Variants in CLTB observed in about 807,000 individuals in gnomAD.
CLTB encodes clathrin light chain B, also known as clathrin, light chain (Lcb).
A neutral mutation model predicts 30.5 loss-of-function variants in CLTB; 10 were observed. That is an observed-to-expected ratio of 0.33 (90% CI 0.20 to 0.56). The LOEUF is 0.56. Among genes scored for constraint, CLTB ranks in the 20% least tolerant of loss-of-function variants. The pLI, the probability that CLTB is intolerant of heterozygous loss-of-function variation, is 0.91. For missense variants in CLTB, 261 were observed against 308.3 expected (o/e 0.85, Z 1.15); for synonymous variants, 102 against 120.3 (o/e 0.85, Z 1.00).
At chr5:176,402,744 G>A (rs1435841428) in intron 2 of CLTB, among the ~76,000 whole-genome samples, 1 of 152,234 alleles carries the variant, frequency 6.6e-6, no homozygotes, top group East Asian at 1.9e-4. Flanking sequence ...GGGACAGGGA[G>A]TCCCTCACAA....
At chr5:176,394,619 C>T (rs62402495) in intron 5 of CLTB, among the ~76,000 whole-genome samples, 4,094 of 151,748 alleles carry the variant, frequency 0.027, 61 homozygotes, top group Middle Eastern at 0.034. Flanking sequence ...TGGAGAGCAT[C>T]CTGGCTAACA....
rs539570093 is a variant in CLTB at position 176,393,674 on chromosome 5, C to T, written c.519-729G>A. On this transcript the variant is annotated intron_variant, in intron 5 of 5. Transcript: ENST00000310418. This position sits in a 1 kb window ranked among gnomAD's most constrained non-coding sequence, Gnocchi z 4.4. ...GCCACAGCCTGGGGCATGAATGCTCCACTGGAGTCTGCTTTTGGTTGGAAT... is the reference window on the plus strand; with the variant it reads ...GCCACAGCCTGGGGCATGAATGCTCTACTGGAGTCTGCTTTTGGTTGGAAT... 5.3e-5 allele frequency among the ~76,000 whole-genome samples: 8 copies of T among 152,184 alleles called. No homozygotes were observed. The highest frequency in any genetic ancestry group is 1.0e-4 in the Non-Finnish European group (7 of 68,030).
At chr5:176,412,129 TCC>T (rs1757470586) in intron 1 of CLTB, among the ~76,000 whole-genome samples, 3 of 138,298 alleles carry the variant, frequency 2.2e-5, no homozygotes, top group African/African-American at 8.3e-5. Context: ...TGAGCCGAGA[TCC>T]CGCCACTGCA....
chr5:176,411,999 A>G (rs983048509), intron 1 of CLTB, among the ~76,000 whole-genome samples: 1 of 151,518 alleles, frequency 6.6e-6, no homozygotes, highest in African/African-American at 2.4e-5. Context: ...ACACGGTGAA[A>G]CCCCGTCTCT....
chr5:176,411,959 G>A (rs1187115270), intron 1 of CLTB, among the ~76,000 whole-genome samples: 2 of 151,946 alleles, frequency 1.3e-5, no homozygotes, highest in Non-Finnish European at 1.5e-5. Flanking sequence ...GGCAGATCAC[G>A]AAGTCAGGAG....
At chr5:176,400,598 C>G (rs1288617533) in intron 2 of CLTB, among the ~76,000 whole-genome samples, 1 of 152,266 alleles carries the variant, frequency 6.6e-6, no homozygotes, top group Non-Finnish European at 1.5e-5. Flanking sequence ...CACACCCGCT[C>G]TGGCACCCAC....
chr5:176,407,345 G>A (rs180971017), intron 2 of CLTB, among the ~76,000 whole-genome samples: 40 of 152,284 alleles, frequency 2.6e-4, no homozygotes, highest in East Asian at 2.1e-3. Flanking sequence ...TCGCTCTGTC[G>A]TCCAGGCTGG....
Position 176,398,006 on chromosome 5 carries a change from C to G in CLTB, c.276G>C (p.Gln92His). ...CAGGCTCCTGGGTCAGCCTGTCAGCCTGGGCAATGGCTGCGTAGCCATCAG... is the reference window on the plus strand; with the variant it reads ...CAGGCTCCTGGGTCAGCCTGTCAGCGTGGGCAATGGCTGCGTAGCCATCAG... ...GPADGYAAIA[Q>H]ADRLTQEPES... The change falls in exon 3 of 6, where the codon CAG becomes CAC. Residue 92 changes from glutamine (Q) to histidine (H), a missense_variant. This residue lies in a region of CLTB where 123 missense variants were observed against 157.0 expected (regional missense o/e 0.78). Transcript: ENST00000310418. 2.5e-6 allele frequency: 4 copies of G among 1,614,132 alleles called. No homozygotes were observed. The highest frequency in any genetic ancestry group is 2.5e-6 in the Non-Finnish European group (3 of 1,180,042).
chr5:176,406,283 G>C, intron 2 of CLTB: 1 of 1,054,260 alleles, frequency 9.5e-7, no homozygotes, highest in Non-Finnish European at 1.1e-6. Context: ...GGAATGGCCA[G>C]GACCAGAAGG....
intron 5 of CLTB, among the ~76,000 whole-genome samples, chr5:176,394,190 G>C (rs1344582205): frequency 6.6e-6 from 1 of 152,232 alleles, no homozygotes; most frequent in Non-Finnish European, 1.5e-5. Flanking sequence ...GATGAGGGGA[G>C]CTATCCTCGG....
chr5:176,397,851 C>T, intron 3 of CLTB, 79 bp downstream of exon 3: 1 of 1,458,968 alleles, frequency 6.9e-7, no homozygotes, highest in Non-Finnish European at 9.6e-7. Flanking sequence ...CATGCAGCAT[C>T]CCATGCACTC....
In CLTB at chr5:176,393,968, C is replaced by T. The variant is rs1030445062; in HGVS notation, c.519-1023G>A. 1.3e-5 allele frequency among the ~76,000 whole-genome samples: 2 copies of T among 152,218 alleles called. No individual in the cohort carries two copies. The highest frequency in any genetic ancestry group is 2.9e-5 in the Non-Finnish European group (2 of 68,042). On this transcript the variant is annotated intron_variant, in intron 5 of 5. Transcript: ENST00000310418. The surrounding 1 kb of genome is among the most constrained non-coding windows in gnomAD (Gnocchi z 4.4). ...CCAGTTCTGCCGATGCCAGACATGA[C>T]TGATGGCAGGAGCGCTCCATGGAAG...
At chr5:176,397,351 C>A (rs911689675) in intron 4 of CLTB, among the ~76,000 whole-genome samples, 1 of 138,162 alleles carries the variant, frequency 7.2e-6, no homozygotes, top group Non-Finnish European at 1.6e-5. Context: ...CACAGCCCCT[C>A]TCATGTCCCC....
intron 5 of CLTB, among the ~76,000 whole-genome samples, chr5:176,394,645 T>C (rs1442215611): frequency 1.7e-5 from 2 of 115,898 alleles, no homozygotes; most frequent in African/African-American, 2.9e-5. Context: ...AAACCCCGTC[T>C]CTACTAAAAA....
intron 1 of CLTB, among the ~76,000 whole-genome samples, chr5:176,415,019 T>C (rs1045989853): frequency 3.9e-5 from 6 of 152,194 alleles, no homozygotes; most frequent in African/African-American, 1.4e-4. Flanking sequence ...CCCATAAACC[T>C]TTCCAAAATG....
chr5:176,401,676 C>T (rs1178225487), intron 2 of CLTB: 8 of 453,800 alleles, frequency 1.8e-5, no homozygotes, highest in South Asian at 7.8e-5. Context: ...GTCACTCACT[C>T]GCTCGCCTTG....
chr5:176,416,534 G>C lies in CLTB; in HGVS notation c.-171C>G, dbSNP rs1757703088. 2.5e-6 allele frequency: 1 copy of C among 394,348 alleles called. No individual in the cohort carries two copies. The highest frequency in any genetic ancestry group is 4.0e-6 in the Non-Finnish European group (1 of 249,922). 24.4% of individuals were successfully genotyped at this position (394,348 alleles called of 1,614,324 possible). A position where few individuals can be genotyped will look rare whatever the true frequency, so the allele number is the denominator to read the frequency against. ...TCTCCGCCACCGGGCCCGGCTGGCT[G>C]TCACTGCGGTGCGGGCGCCGCGGCG... On this transcript the variant is annotated 5_prime_UTR_variant, in exon 1 of 6. Transcript: ENST00000310418.
chr5:176,404,747 G>A (rs1026656591), intron 2 of CLTB, among the ~76,000 whole-genome samples: 4 of 152,204 alleles, frequency 2.6e-5, no homozygotes, highest in Non-Finnish European at 5.9e-5. Flanking sequence ...CTCCTGGCAC[G>A]TCCCTTTGTG....
chr5:176,415,517 A>T (rs1271560963), intron 1 of CLTB, among the ~76,000 whole-genome samples: 1 of 152,200 alleles, frequency 6.6e-6, no homozygotes, highest in Non-Finnish European at 1.5e-5. Context: ...ACCCCATCTC[A>T]AAAAAAGGAA....
Sources: allele counts gnomAD v4.1 joint callset (sites outside exome capture counted in the v4.1 genomes callset), GRCh38; gene constraint gnomAD v4.1.1; regional missense constraint gnomAD v4.1.1; non-coding constraint Gnocchi (gnomAD v3.1); transcripts MANE v1.5; gene names NCBI Gene and HGNC (gene_info 2026-07-23, HGNC 2026-07-21).